DYM: variants seen among roughly 807,000 people sequenced by gnomAD.
The protein encoded by DYM is dyggve-Melchior-Clausen syndrome protein.
In DYM, 78 loss-of-function variants were observed where a neutral mutation model predicts 93.1. The observed-to-expected ratio is 0.84, with a 90% CI of 0.70 to 1.01. The LOEUF (loss-of-function observed/expected upper bound fraction) is 1.01, where lower values mean the gene tolerates loss of function less well. DYM is among the 50% of genes least tolerant of loss of function. The pLI, the probability that DYM is intolerant of heterozygous loss-of-function variation, is 0.00. For synonymous variants in DYM, 321 were observed against 319.7 expected (o/e 1.00, Z -0.04); for missense variants, 789 against 845.0 (o/e 0.93, Z 0.82).
intron 1 of DYM, among the ~76,000 whole-genome samples, chr18:49,447,057 T>TGA (rs2082149949): frequency 7.8e-6 from 1 of 128,492 alleles, no homozygotes; most frequent in Non-Finnish European, 1.6e-5. Context: ...GAAGACTCCA[T>TGA]CACAAAAAAA....
At chr18:49,360,459 T>A (rs1195321276) in intron 6 of DYM, among the ~76,000 whole-genome samples, 1 of 151,816 alleles carries the variant, frequency 6.6e-6, no homozygotes, top group African/African-American at 2.4e-5. Flanking sequence ...CTATCTCTAC[T>A]AAAAATACAA....
chr18:49,434,763 A>T (rs1408949230), intron 1 of DYM, among the ~76,000 whole-genome samples: 1 of 151,818 alleles, frequency 6.6e-6, no homozygotes, highest in African/African-American at 2.4e-5. Context: ...GACAGGGGTT[A>T]GATACCAGCC....
intron 2 of DYM, among the ~76,000 whole-genome samples, chr18:49,418,930 A>C (rs1349901997): frequency 1.3e-5 from 2 of 151,778 alleles, no homozygotes; most frequent in Non-Finnish European, 2.9e-5. Context: ...ATGTAAACTC[A>C]CTTGTGGCGG....
intron 5 of DYM, among the ~76,000 whole-genome samples, chr18:49,370,120 A>C (rs1034816227): frequency 3.3e-5 from 5 of 152,082 alleles, no homozygotes; most frequent in Admixed American, 3.3e-4. Context: ...TCTACTAAAA[A>C]TACAAAAATC....
At chr18:49,097,240 T>C (rs2145550379) in intron 17 of DYM, 162 bp downstream of exon 17, 1 of 681,464 alleles carries the variant, frequency 1.5e-6, no homozygotes, top group East Asian at 2.7e-5. Context: ...GTATTAATGC[T>C]TCTTTTGAAA....
chr18:49,236,394 G>A (rs1024180207), intron 13 of DYM, among the ~76,000 whole-genome samples: 4 of 151,902 alleles, frequency 2.6e-5, no homozygotes, highest in Non-Finnish European at 4.4e-5. Context: ...GCAGGAGAAC[G>A]GTGTGAACCC....
intron 14 of DYM, among the ~76,000 whole-genome samples, chr18:49,175,126 T>C (rs1020434757): frequency 1.3e-5 from 2 of 152,234 alleles, no homozygotes; most frequent in African/African-American, 4.8e-5. Context: ...TACACACAAG[T>C]GTAATGCATA....
At chr18:49,076,511 T>C (rs1293934836) in intron 17 of DYM, among the ~76,000 whole-genome samples, 1 of 152,078 alleles carries the variant, frequency 6.6e-6, no homozygotes, top group African/African-American at 2.4e-5. Context: ...ATATAAAGAG[T>C]TATCATGTAA....
At chr18:49,112,338 T>C (rs946706210) in intron 16 of DYM, among the ~76,000 whole-genome samples, 11 of 152,132 alleles carry the variant, frequency 7.2e-5, no homozygotes, top group African/African-American at 2.7e-4. Context: ...GGGTGTTCTG[T>C]AATGTCATGC....
chr18:49,087,395 G>C (rs1187306249), intron 17 of DYM, among the ~76,000 whole-genome samples: 1 of 152,076 alleles, frequency 6.6e-6, no homozygotes, highest in African/African-American at 2.4e-5. Context: ...TGCTTAATTT[G>C]CTTATCCATT....
intron 1 of DYM, among the ~76,000 whole-genome samples, chr18:49,456,263 C>T (rs749227909): frequency 2.6e-5 from 4 of 152,188 alleles, no homozygotes; most frequent in African/African-American, 9.7e-5. Context: ...TTTAATCGTC[C>T]ACCTCTGGAC....
intron 16 of DYM, among the ~76,000 whole-genome samples, chr18:49,107,510 C>T (rs544864838): frequency 9.9e-5 from 15 of 152,268 alleles, no homozygotes; most frequent in African/African-American, 2.4e-4. Flanking sequence ...AGGTTTTCTG[C>T]TCTGTTTTTT....
chr18:49,048,942 G>T (rs1030226509), intron 17 of DYM, among the ~76,000 whole-genome samples: 1 of 152,118 alleles, frequency 6.6e-6, no homozygotes, highest in Non-Finnish European at 1.5e-5. Context: ...TCCTCTAATC[G>T]GAAAGTACAC....
At chr18:49,190,558 A>G (rs948398875) in intron 14 of DYM, among the ~76,000 whole-genome samples, 3 of 152,220 alleles carry the variant, frequency 2.0e-5, no homozygotes, top group Admixed American at 1.3e-4. Context: ...CTATTGGCAT[A>G]TAGTATGTGC....
At chr18:49,162,559 C>G (rs1366383261) in intron 15 of DYM, among the ~76,000 whole-genome samples, 1 of 152,188 alleles carries the variant, frequency 6.6e-6, no homozygotes, top group Non-Finnish European at 1.5e-5. Context: ...ATCACCTATT[C>G]AAGGTCCCAC....
intron 14 of DYM, chr18:49,206,485 G>A (rs1320883534): frequency 6.6e-5 from 10 of 152,044 alleles, no homozygotes; most frequent in Admixed American, 6.6e-4. Flanking sequence ...TCACCTGCAG[G>A]GACTACACTC....
intron 6 of DYM, among the ~76,000 whole-genome samples, chr18:49,357,638 C>T (rs2065678045): frequency 6.6e-6 from 1 of 152,154 alleles, no homozygotes; most frequent in African/African-American, 2.4e-5. Flanking sequence ...ATGCTTTAAG[C>T]ACAGTGAACA....
At position 49,100,129 on chromosome 18, in the gene DYM, CCTGGAAGGTTG is replaced by C. The variant is rs201066665; in HGVS notation, c.1912-2625_1912-2615del. 9.6e-3 allele frequency among the ~76,000 whole-genome samples: 1,453 copies of C among 152,106 alleles called. 22 individuals are homozygous for C. The highest frequency in any genetic ancestry group is 0.033 in the African/African-American group (1,386 of 41,508). ...CTGGAGTACTGAGGCTGACACAGAC[CCTGGAAGGTTG>C]TAAAGGCCAATACTATTAGTAAAAC... is the stretch of plus-strand genomic sequence containing the variant. On this transcript the variant is annotated intron_variant, in intron 16 of 17. Coordinates refer to ENST00000675505, the MANE Select transcript of DYM (RefSeq NM_001353214.3).
chr18:49,379,645 G>C lies in DYM; in HGVS notation c.287+20C>G. ...ACATTGTTAAATATAAAGCAAACAT[G>C]GTTTAATTAGCCAGCTTACTTCTGA... On this transcript the variant is annotated intron_variant, in intron 4 of 17. Coordinates refer to ENST00000675505, the MANE Select transcript of DYM (RefSeq NM_001353214.3). 1.3e-6 allele frequency: 2 copies of C among 1,570,966 alleles called. No individual in the cohort carries two copies. The highest frequency in any genetic ancestry group is 1.8e-6 in the Non-Finnish European group (2 of 1,141,270).
Sources: gnomAD v4.1 joint callset for allele counts (sites outside exome capture counted in the v4.1 genomes callset) on GRCh38, gnomAD v4.1.1 for gene constraint, MANE v1.5 for transcripts, NCBI Gene and HGNC (gene_info 2026-07-23, HGNC 2026-07-21) for gene names.